Variants in ARHGEF33 observed in about 807,000 individuals in gnomAD.
The protein encoded by ARHGEF33 is DH and coiled-coil domain-containing protein ENSP00000381780.
Under a neutral mutation model 101.9 loss-of-function variants are expected in ARHGEF33, and 72 were observed. The ratio of observed to expected loss-of-function variants is 0.71; its 90% CI spans 0.58 to 0.86. The LOEUF is 0.86. Ranked by LOEUF, ARHGEF33 falls within the 40% of genes least tolerant of loss-of-function variation. The probability of loss-of-function intolerance (pLI) is 0.00; values close to 1 mark genes in which losing one functional copy is unlikely to be tolerated. For synonymous variants in ARHGEF33, 499 were observed against 442.5 expected, an observed-to-expected ratio of 1.13 and a Z score of -1.60; for missense variants, 1,169 against 1,111.3, an observed-to-expected ratio of 1.05 and a Z score of -0.74.
intron 17 of ARHGEF33, among the ~76,000 whole-genome samples, chr2:38,970,070 A>G (rs1668132944): frequency 6.6e-6 from 1 of 152,204 alleles, no homozygotes. Context: ...CTCTCTTTTT[A>G]TCCTTAAATT....
chr2:38,915,639 T>C (rs745551794), intron 2 of ARHGEF33, among the ~76,000 whole-genome samples: 95 of 152,208 alleles, frequency 6.2e-4, no homozygotes, highest in Non-Finnish European at 1.2e-3. Flanking sequence ...CCCAAAGTGC[T>C]GGGATTACAA....
intron 1 of ARHGEF33, among the ~76,000 whole-genome samples, 158 bp downstream of exon 1, chr2:38,890,144 T>G (rs3112175): frequency 0.32 from 49,198 of 152,146 alleles, 8,623 homozygotes; most frequent in Non-Finnish European, 0.39. Flanking sequence ...TAACTTTTAT[T>G]TAAGAGTTAT....
chr2:38,931,218 A>C lies in ARHGEF33; in HGVS notation c.472A>C (p.Thr158Pro), dbSNP rs1178923120. The C allele has an allele frequency of 1.3e-6, 2 of 1,551,094 alleles. No homozygotes were observed. Among genetic ancestry groups the C allele is most frequent in the Admixed American group, 2.0e-5 (1 of 50,818 alleles). ...GCCTGTTCTTCCAAGCGAAGACTTTACCAACCTTTTGCCTTCTCAGGCCTA... is the reference window on the plus strand; with the variant it reads ...GCCTGTTCTTCCAAGCGAAGACTTTCCCAACCTTTTGCCTTCTCAGGCCTA... Reference protein sequence around the residue: ...PEPVLPSEDFTNLLPSQAYEK... With the variant: ...PEPVLPSEDFPNLLPSQAYEK... The change falls in exon 7 of 18, where the codon ACC becomes CCC. Residue 158 changes from threonine (T) to proline (P), a missense_variant. By Grantham distance (38) the Thr-to-Pro change is conservative (BLOSUM62 -1). Transcript: ENST00000409978.
chr2:38,943,785 C>T, intron 9 of ARHGEF33, 116 bp from the exon 10 acceptor site: 1 of 1,056,684 alleles, frequency 9.5e-7, no homozygotes, highest in East Asian at 2.8e-5. Context: ...CAAAAACTTG[C>T]AGATGGTTTT....
intron 2 of ARHGEF33, among the ~76,000 whole-genome samples, chr2:38,913,064 T>A (rs986088290): frequency 4.6e-4 from 68 of 148,418 alleles, no homozygotes; most frequent in African/African-American, 1.6e-3. Flanking sequence ...TGAGACAGGA[T>A]CTTGCTCTGT....
chr2:38,905,990 T>C (rs1429964775), intron 2 of ARHGEF33, among the ~76,000 whole-genome samples: 1 of 152,054 alleles, frequency 6.6e-6, no homozygotes, highest in East Asian at 1.9e-4. Flanking sequence ...ATGCCTGTAA[T>C]CCCAACACTT....
chr2:38,931,078 G>C, intron 6 of ARHGEF33, 31 bp from the exon 7 acceptor site: 2 of 1,525,752 alleles, frequency 1.3e-6, no homozygotes, highest in Non-Finnish European at 1.8e-6. Flanking sequence ...TTAAGAACCA[G>C]AATAGCCTTG....
chr2:38,929,726 C>T lies in ARHGEF33; in HGVS notation c.258C>T (p.Ala86=). Residue 86 remains alanine, a synonymous_variant, in exon 6 of 18, where the codon GCC becomes GCT. Transcript: ENST00000409978. ...LNYFKEELSN[A]MSMIQAITSK... Reference sequence around the variant, plus strand: ...TTTTTTAGGAAGAGCTGAGCAATGCCATGTCGATGATCCAAGCCATCACTT... The same window carrying T: ...TTTTTTAGGAAGAGCTGAGCAATGCTATGTCGATGATCCAAGCCATCACTT... 3 of 1,551,878 alleles carry T rather than the reference C, an allele frequency of 1.9e-6. No individual in the cohort carries two copies. The highest frequency in any genetic ancestry group is 2.4e-5 in the East Asian group (1 of 40,918).
intron 4 of ARHGEF33, among the ~76,000 whole-genome samples, chr2:38,925,470 G>T (rs1666850492): frequency 6.6e-6 from 1 of 152,172 alleles, no homozygotes; most frequent in Non-Finnish European, 1.5e-5. Flanking sequence ...TGTATCCAGG[G>T]ATCGATAAGC....
chr2:38,973,800 G>T lies in ARHGEF33; in HGVS notation c.2570G>T (p.Arg857Leu). The stretch of plus-strand genomic sequence containing the variant: ...ACCAAACAAGATTTCTTCAGAAACC[G>T]ACTTGCTCTTGCAAATGACCTTGAC... ...SPTKQDFFRN[R>L]LALANDLDQG... The change falls in exon 18 of 18, where the codon CGA becomes CTA. Residue 857 changes from arginine (R) to leucine (L), a missense_variant. Arg to Leu is a moderately radical substitution (Grantham distance 102). Coordinates refer to ENST00000409978, the MANE Select transcript of ARHGEF33 (RefSeq NM_001145451.5). The T allele has an allele frequency of 6.5e-7, 1 of 1,549,054 alleles. No individual in the cohort carries two copies. Among genetic ancestry groups the T allele is most frequent in the Non-Finnish European group, 8.7e-7 (1 of 1,146,168 alleles).
At chr2:38,892,035 G>A (rs1008000543) in intron 1 of ARHGEF33, among the ~76,000 whole-genome samples, 7 of 152,106 alleles carry the variant, frequency 4.6e-5, no homozygotes, top group Admixed American at 2.0e-4. Context: ...AGGGTAGTAA[G>A]TATTAACATC....
intron 2 of ARHGEF33, among the ~76,000 whole-genome samples, chr2:38,913,701 A>G (rs1666566960): frequency 6.6e-6 from 1 of 151,894 alleles, no homozygotes; most frequent in African/African-American, 2.4e-5. Context: ...ACTTAAACCC[A>G]GGAGGTGGAG....
intron 14 of ARHGEF33, 62 bp from the exon 15 acceptor site, chr2:38,957,972 A>G (rs957529482): frequency 1.3e-6 from 2 of 1,520,848 alleles, no homozygotes; most frequent in Non-Finnish European, 1.8e-6. Context: ...TTGGCATAAT[A>G]TGTGTTCAGA....
intron 2 of ARHGEF33, among the ~76,000 whole-genome samples, chr2:38,897,558 A>T (rs1666148639): frequency 6.6e-6 from 1 of 152,114 alleles, no homozygotes; most frequent in Non-Finnish European, 1.5e-5. Context: ...CCTTTGAGAA[A>T]CTGATGTGAG....
chr2:38,902,177 G>C (rs1666260695), intron 2 of ARHGEF33, among the ~76,000 whole-genome samples: 1 of 151,880 alleles, frequency 6.6e-6, no homozygotes, highest in South Asian at 2.1e-4. Flanking sequence ...ATGGTTCTTG[G>C]TGTTGCTTTC....
At chr2:38,914,720 G>A (rs941365425) in intron 2 of ARHGEF33, among the ~76,000 whole-genome samples, 1 of 150,626 alleles carries the variant, frequency 6.6e-6, no homozygotes, top group Non-Finnish European at 1.5e-5. Flanking sequence ...AACTTGGAGA[G>A]ATTGCCACAA....
intron 16 of ARHGEF33, among the ~76,000 whole-genome samples, chr2:38,965,575 C>T (rs1009764103): frequency 1.3e-5 from 2 of 152,108 alleles, no homozygotes; most frequent in African/African-American, 4.8e-5. Flanking sequence ...AAGTAAGGAA[C>T]ATCCTTATTT....
At chr2:38,907,774 A>G (rs765473565) in intron 2 of ARHGEF33, among the ~76,000 whole-genome samples, 1 of 151,964 alleles carries the variant, frequency 6.6e-6, no homozygotes, top group Non-Finnish European at 1.5e-5. Flanking sequence ...TAGTGAAAGT[A>G]TAGTGACAGT....
At chr2:38,892,737 G>C (rs1360480677) in intron 1 of ARHGEF33, among the ~76,000 whole-genome samples, 1 of 152,180 alleles carries the variant, frequency 6.6e-6, no homozygotes, top group Non-Finnish European at 1.5e-5. Flanking sequence ...GAATCTGAGA[G>C]TGACTATCCA....
Sources: allele counts gnomAD v4.1 joint callset (sites outside exome capture counted in the v4.1 genomes callset), GRCh38; gene constraint gnomAD v4.1.1; transcripts MANE v1.5; gene names NCBI Gene and HGNC (gene_info 2026-07-23, HGNC 2026-07-21).